CRKL: variants seen among roughly 807,000 people sequenced by gnomAD.
CRKL encodes the protein CRK like proto-oncogene, adaptor protein, also known as crk-like protein.
CRKL carries 3 observed loss-of-function variants against 23.0 expected under a neutral mutation model. The ratio of observed to expected loss-of-function variants is 0.13; its 90% confidence interval spans 0.06 to 0.34. The LOEUF (loss-of-function observed/expected upper bound fraction) is 0.34, where lower values mean the gene tolerates loss of function less well. Among genes scored for constraint, CRKL ranks in the 10% least tolerant of loss-of-function variants. The pLI is 1.00. For synonymous variants in CRKL, 188 were observed against 160.7 expected (o/e 1.17, Z -1.28); for missense variants, 256 against 394.5 (o/e 0.65, Z 2.97).
In CRKL at chr22:20,917,490, A is replaced by T. The variant is rs1235540912; in HGVS notation, c.-445A>T. 4.1e-6 allele frequency: 1 copy of T among 242,374 alleles called. No homozygotes were observed. Among genetic ancestry groups the T allele is most frequent in the African/African-American group, 2.2e-5 (1 of 45,432 alleles). 15.0% of individuals were successfully genotyped at this position (242,374 alleles called of 1,614,324 possible). On this transcript the variant is annotated 5_prime_UTR_variant, in exon 1 of 3. Transcript: ENST00000354336. ...TTTTGTTGCTGTGGCTATTGGGAAC[A>T]AGCTGGGCAAAAGCACCCCGGAGGC...
rs184989297 is a variant in CRKL, at chr22:20,951,710, G to A, written c.*1865G>A. The stretch of plus-strand genomic sequence containing the variant: ...GCAATGCATTCTGGAGACAGAACCA[G>A]CAGAACAGCCATTTTTCAATTTTTC... On this transcript the variant is annotated 3_prime_UTR_variant, in exon 3 of 3. Transcript: ENST00000354336. The A allele has an allele frequency of 1.3e-3, 285 of 224,096 alleles. 3 individuals are homozygous for A. Among genetic ancestry groups the A allele is most frequent in the African/African-American group, 6.0e-3 (270 of 44,972 alleles). The allele number at this position is 224,096 out of a possible 1,614,324, so 13.9% of individuals were successfully genotyped here. A position where few individuals can be genotyped will look rare whatever the true frequency, so the allele number is the denominator to read the frequency against.
chr22:20,944,687 G>A (rs895687477), intron 2 of CRKL, among the ~76,000 whole-genome samples: 4 of 152,036 alleles, frequency 2.6e-5, no homozygotes, highest in Admixed American at 1.3e-4. Flanking sequence ...ACAGGCATGA[G>A]CCACCGCACA....
rs1299192111 is a variant in CRKL, at chr22:20,949,863, C to A, written c.*18C>A. 3 of 1,597,184 alleles carry A rather than the reference C, an allele frequency of 1.9e-6. No homozygotes were observed. The Admixed American group carries it at 5.4e-5, about 29-fold the overall frequency. The stretch of plus-strand genomic sequence containing the variant: ...ACGAGTGATTGCTGTTGCCCTGTTT[C>A]CTGCTGCTTTGTTGTTCTGCCTGTC... On this transcript the variant is annotated 3_prime_UTR_variant, in exon 3 of 3. Coordinates refer to ENST00000354336, the MANE Select transcript of CRKL (RefSeq NM_005207.4).
intron 2 of CRKL, among the ~76,000 whole-genome samples, 184 bp downstream of exon 2, chr22:20,934,428 A>G (rs1169507874): frequency 6.6e-6 from 1 of 151,930 alleles, no homozygotes; most frequent in Non-Finnish European, 1.5e-5. Context: ...CTCTAATTTT[A>G]AAAGAGTTGT....
chr22:20,950,030 T>C lies in CRKL; in HGVS notation c.*185T>C. The C allele has an allele frequency of 1.4e-6, 1 of 718,598 alleles. No individual in the cohort carries two copies. The highest frequency in any genetic ancestry group is 2.2e-6 in the Non-Finnish European group (1 of 461,144). 44.5% of individuals were successfully genotyped at this position (718,598 alleles called of 1,614,324 possible). A position where few individuals can be genotyped will look rare whatever the true frequency, so the allele number is the denominator to read the frequency against. ...CTGCCTCCTGATGTTTGTATCATAG[T>C]CGTATTGTCAAAGAGTAGCCGATTT... On this transcript the variant is annotated 3_prime_UTR_variant, in exon 3 of 3. Transcript: ENST00000354336.
intron 1 of CRKL, among the ~76,000 whole-genome samples, chr22:20,923,019 A>G (rs1212467155): frequency 1.3e-5 from 2 of 152,148 alleles, no homozygotes; most frequent in Admixed American, 6.6e-5. Flanking sequence ...CCAGTTTAAC[A>G]ACAGAATGCT....
intron 1 of CRKL, among the ~76,000 whole-genome samples, chr22:20,931,336 A>G (rs1356838065): frequency 6.6e-6 from 1 of 152,144 alleles, no homozygotes; most frequent in African/African-American, 2.4e-5. Flanking sequence ...GAGCTTGGGA[A>G]GTGGAGGCTA....
intron 1 of CRKL, among the ~76,000 whole-genome samples, chr22:20,921,951 G>T (rs956760397): frequency 6.7e-6 from 1 of 148,290 alleles, no homozygotes; most frequent in Non-Finnish European, 1.5e-5. Flanking sequence ...CTAGTGATCC[G>T]CCCGCCTCGG....
chr22:20,949,924 A>G lies in CRKL; in HGVS notation c.*79A>G. ...TTGAAGTGGGAAAGCATTTTCTCTC[A>G]TAGGCAAGTCACACTGCATTGCCGA... On this transcript the variant is annotated 3_prime_UTR_variant, in exon 3 of 3. Transcript: ENST00000354336. 4 of 1,524,068 alleles carry G rather than the reference A, an allele frequency of 2.6e-6. No homozygotes were observed. Among genetic ancestry groups the G allele is most frequent in the Non-Finnish European group, 3.5e-6 (4 of 1,140,046 alleles). The allele number at this position is 1,524,068 out of a possible 1,614,324, so 94.4% of individuals were successfully genotyped here.
intron 2 of CRKL, among the ~76,000 whole-genome samples, chr22:20,934,951 C>T (rs1327711642): frequency 6.7e-6 from 1 of 150,252 alleles, no homozygotes; most frequent in Admixed American, 6.7e-5. Flanking sequence ...GTAGCTGGAA[C>T]GACAGGCACC....
intron 2 of CRKL, 131 bp from the exon 3 acceptor site, chr22:20,949,580 T>C: frequency 8.0e-7 from 1 of 1,253,704 alleles, no homozygotes; most frequent in Non-Finnish European, 1.1e-6. Flanking sequence ...CCAGCATGGC[T>C]AACAGAGTGA....
intron 2 of CRKL, among the ~76,000 whole-genome samples, chr22:20,946,691 G>A (rs2147915816): frequency 1.4e-5 from 2 of 147,506 alleles, no homozygotes; most frequent in Middle Eastern, 3.4e-3. Context: ...TACTAGAGAA[G>A]TTTCTCTGAA....
rs1312712616 is a variant in CRKL, at chr22:20,917,739, CCGGAGCAGGCGGGCGGCGT to C, written c.-190_-172del. 1 of 611,234 alleles carries C rather than the reference CCGGAGCAGGCGGGCGGCGT, an allele frequency of 1.6e-6. No individual in the cohort carries two copies. The highest frequency in any genetic ancestry group is 3.1e-5 in the Admixed American group (1 of 32,036). 37.9% of individuals were successfully genotyped at this position (611,234 alleles called of 1,614,324 possible). A position where few individuals can be genotyped will look rare whatever the true frequency, so the allele number is the denominator to read the frequency against. On this transcript the variant is annotated 5_prime_UTR_variant, in exon 1 of 3. Transcript: ENST00000354336. ...GGGCGGCTCTCTCCGTGTGGCGGCC[CCGGAGCAGGCGGGCGGCGT>C]CGGAGGATGCTGCGGGCCCGGAGCC...
rs1929732164 is a variant in CRKL at position 20,917,472 on chromosome 22, G to C, written c.-463G>C. 4.3e-6 allele frequency: 1 copy of C among 234,370 alleles called. No individual in the cohort carries two copies. The allele number at this position is 234,370 out of a possible 1,614,324, so 14.5% of individuals were successfully genotyped here. On this transcript the variant is annotated 5_prime_UTR_variant, in exon 1 of 3. Transcript: ENST00000354336. ...CTTCTCCCGCGTCCGCCATTTTGTT[G>C]CTGTGGCTATTGGGAACAAGCTGGG...
chr22:20,928,533 GCCAGGCGTGGTGGCCCAGACTGTAATC>G (rs1921316576), intron 1 of CRKL, among the ~76,000 whole-genome samples: 1 of 151,744 alleles, frequency 6.6e-6, no homozygotes, highest in Admixed American at 6.6e-5. Flanking sequence ...TAAAACATTG[GCCAGGCGTGGTGGCCCAGACTGTAATC>G]CCAGGACTTT....
chr22:20,934,933 C>T (rs962326151), intron 2 of CRKL, among the ~76,000 whole-genome samples: 1 of 151,274 alleles, frequency 6.6e-6, no homozygotes, highest in Non-Finnish European at 1.5e-5. Context: ...CCTACCTCAG[C>T]CTCCCAAGTA....
chr22:20,936,768 G>A (rs1793917726), intron 2 of CRKL, among the ~76,000 whole-genome samples: 1 of 152,138 alleles, frequency 6.6e-6, no homozygotes, highest in South Asian at 2.1e-4. Context: ...GAGCATTTGA[G>A]GCTGTGGTGG....
chr22:20,952,187 G>T lies in CRKL; in HGVS notation c.*2342G>T. ...TTTTTCAACCAGATTTAGCTGAAGG[G>T]CTTGACACCTTTGAATTACAGCAGT... On this transcript the variant is annotated 3_prime_UTR_variant, in exon 3 of 3. Transcript: ENST00000354336. 4.4e-6 allele frequency: 1 copy of T among 228,850 alleles called. No homozygotes were observed. Among genetic ancestry groups the T allele is most frequent in the Non-Finnish European group, 8.6e-6 (1 of 115,912 alleles). The allele number at this position is 228,850 out of a possible 1,614,324, so 14.2% of individuals were successfully genotyped here.
chr22:20,924,014 C>A (rs1336063031), intron 1 of CRKL, among the ~76,000 whole-genome samples: 1 of 151,978 alleles, frequency 6.6e-6, no homozygotes, highest in Non-Finnish European at 1.5e-5. Context: ...TAGTGAGACC[C>A]CATTCCCACA....
Sources: gnomAD v4.1 joint callset for allele counts (sites outside exome capture counted in the v4.1 genomes callset) on GRCh38, gnomAD v4.1.1 for gene constraint, MANE v1.5 for transcripts, NCBI Gene and HGNC (gene_info 2026-07-23, HGNC 2026-07-21) for gene names.